FHIT: variants seen among roughly 807,000 people sequenced by gnomAD.
The protein encoded by FHIT is fragile histidine triad diadenosine triphosphatase.
Under a neutral mutation model 17.9 loss-of-function variants are expected in FHIT, and 19 were observed. The observed-to-expected ratio is 1.06, with a 90% CI of 0.74 to 1.56. The LOEUF is 1.56. Among genes scored for constraint, FHIT ranks in the 40% most tolerant of loss-of-function variants. The pLI, the probability that FHIT is intolerant of heterozygous loss-of-function variation, is 0.00. For synonymous variants in FHIT, 81 were observed against 69.7 expected (o/e 1.16, Z -0.81); for missense variants, 248 against 189.2 (o/e 1.31, Z -1.82).
At chr3:61,049,285 A>G (rs952588260) in intron 2 of FHIT, among the ~76,000 whole-genome samples, 7 of 151,710 alleles carry the variant, frequency 4.6e-5, no homozygotes, top group African/African-American at 1.5e-4. Context: ...TTAAAAATTA[A>G]AATATGATAA....
At position 60,177,528 on chromosome 3, in the gene FHIT, A is replaced by C. The variant is rs981281516; in HGVS notation, c.104-163376T>G. ...TCCCTTCGCATAGAAGTAGGTCAAA[A>C]CAGAAGAGGCTTACTGGGATGGGGA... On this transcript the variant is annotated intron_variant, in intron 5 of 9. Transcript: ENST00000492590. Among the ~76,000 whole-genome samples, 17 of 152,330 alleles carry C rather than the reference A, an allele frequency of 1.1e-4. No homozygotes were observed. The East Asian group carries it at 1.7e-3, about 16-fold the overall frequency.
chr3:59,990,648 A>G (rs1709185762), intron 7 of FHIT, among the ~76,000 whole-genome samples: 2 of 152,004 alleles, frequency 1.3e-5, no homozygotes, highest in African/African-American at 2.4e-5. Context: ...AATAATTAAT[A>G]ATAATCCACA....
At chr3:61,184,091 T>C (rs972974730) in intron 2 of FHIT, among the ~76,000 whole-genome samples, 2 of 151,994 alleles carry the variant, frequency 1.3e-5, no homozygotes, top group Non-Finnish European at 2.9e-5. Context: ...TGGGACCTGA[T>C]GCCTATAATA....
At chr3:59,778,357 C>T (rs1488290285) in intron 8 of FHIT, among the ~76,000 whole-genome samples, 1 of 152,172 alleles carries the variant, frequency 6.6e-6, no homozygotes, top group East Asian at 1.9e-4. Flanking sequence ...TGTTGAATGA[C>T]CATAACCCAG....
chr3:60,762,497 C>A (rs2108056664), intron 4 of FHIT, among the ~76,000 whole-genome samples: 1 of 152,230 alleles, frequency 6.6e-6, no homozygotes, highest in Non-Finnish European at 1.5e-5. Flanking sequence ...CATAACCATG[C>A]AGAAAGATAG....
intron 2 of FHIT, among the ~76,000 whole-genome samples, chr3:61,181,763 A>G (rs555585368): frequency 6.6e-6 from 1 of 152,316 alleles, no homozygotes; most frequent in African/African-American, 2.4e-5. Flanking sequence ...CCTAATTACT[A>G]TTCTTGGAGA....
intron 4 of FHIT, among the ~76,000 whole-genome samples, chr3:60,724,540 C>T (rs1351696716): frequency 6.6e-6 from 1 of 151,798 alleles, no homozygotes; most frequent in Non-Finnish European, 1.5e-5. Flanking sequence ...ACTTTTAGGA[C>T]ATTTTCAAAC....
At chr3:60,214,947 A>G (rs28895693) in intron 5 of FHIT, among the ~76,000 whole-genome samples, 17,495 of 152,082 alleles carry the variant, frequency 0.12, 1,041 homozygotes, top group South Asian at 0.15. Flanking sequence ...CCTCTCACTT[A>G]TAAGTGGGAG....
intron 4 of FHIT, among the ~76,000 whole-genome samples, chr3:60,743,249 T>A (rs1379540589): frequency 6.6e-6 from 1 of 152,220 alleles, no homozygotes; most frequent in Non-Finnish European, 1.5e-5. Flanking sequence ...GATCAAATTA[T>A]ATATAAAGCA....
chr3:60,744,864 A>G (rs1366965784), intron 4 of FHIT, among the ~76,000 whole-genome samples: 2 of 152,180 alleles, frequency 1.3e-5, no homozygotes, highest in Non-Finnish European at 2.9e-5. Context: ...CATGTAATCC[A>G]TATTTATTAG....
chr3:60,771,841 C>T (rs1464177605), intron 4 of FHIT, among the ~76,000 whole-genome samples: 9 of 152,172 alleles, frequency 5.9e-5, no homozygotes, highest in Non-Finnish European at 1.2e-4. Flanking sequence ...TGTTCATTTT[C>T]ACCAGCCTGG....
At chr3:60,658,302 C>A (rs2040163469) in intron 4 of FHIT, among the ~76,000 whole-genome samples, 1 of 152,034 alleles carries the variant, frequency 6.6e-6, no homozygotes, top group Non-Finnish European at 1.5e-5. Flanking sequence ...TAAGGAGGGA[C>A]TTCCTTCTGT....
At chr3:60,701,555 G>T (rs952333014) in intron 4 of FHIT, among the ~76,000 whole-genome samples, 1 of 152,092 alleles carries the variant, frequency 6.6e-6, no homozygotes, top group African/African-American at 2.4e-5. Context: ...TGCTGAGTCA[G>T]TTCCTGGGTG....
intron 4 of FHIT, among the ~76,000 whole-genome samples, chr3:60,751,745 G>GA (rs10711853): frequency 6.6e-6 from 1 of 151,532 alleles, no homozygotes; most frequent in South Asian, 2.1e-4. Flanking sequence ...AGTATTTTAT[G>GA]AAAAAAAAAT....
At chr3:60,027,244 A>G (rs1333511684) in intron 5 of FHIT, among the ~76,000 whole-genome samples, 1 of 152,126 alleles carries the variant, frequency 6.6e-6, no homozygotes, top group Admixed American at 6.6e-5. Flanking sequence ...TAACTGAAAA[A>G]AAATATTTAA....
At chr3:60,975,150 T>C (rs980210912) in intron 3 of FHIT, among the ~76,000 whole-genome samples, 1 of 152,210 alleles carries the variant, frequency 6.6e-6, no homozygotes, top group African/African-American at 2.4e-5. Flanking sequence ...CTGAGGATCA[T>C]ACATTTCTAC....
In FHIT at chr3:60,707,925, G is replaced by C. The variant is rs1553703949; in HGVS notation, c.-18+113994C>G. ...TTTTAAATAGTCTTCAAAAGCTAGA[G>C]TTTTAAAACTCTGTGTGGCATTTTG... is the stretch of plus-strand genomic sequence containing the variant. On this transcript the variant is annotated intron_variant, in intron 4 of 9. Coordinates refer to ENST00000492590, the MANE Select transcript of FHIT (RefSeq NM_002012.4). Among the ~76,000 whole-genome samples the C allele has an allele frequency of 2.6e-5, 4 of 152,106 alleles. No homozygotes were observed. The East Asian group carries it at 5.8e-4, about 22-fold the overall frequency.
At chr3:60,209,348 G>A (rs768287281) in intron 5 of FHIT, among the ~76,000 whole-genome samples, 10 of 152,120 alleles carry the variant, frequency 6.6e-5, no homozygotes, top group African/African-American at 9.7e-5. Context: ...CTAGGGAGAT[G>A]ATGACATGAT....
chr3:61,066,675 T>G (rs6763300), intron 2 of FHIT, among the ~76,000 whole-genome samples: 15,603 of 152,148 alleles, frequency 0.1, 2,226 homozygotes, highest in African/African-American at 0.32. Context: ...CCGTTATGTC[T>G]GCACCCCAGT....
Sources: gnomAD v4.1 joint callset for allele counts (sites outside exome capture counted in the v4.1 genomes callset) on GRCh38, gnomAD v4.1.1 for gene constraint, MANE v1.5 for transcripts, NCBI Gene and HGNC (gene_info 2026-07-23, HGNC 2026-07-21) for gene names.